FGF14: variants seen among roughly 807,000 people sequenced by gnomAD.
FGF14 encodes fibroblast growth factor homologous factor 4.
In FGF14, 5 loss-of-function variants were observed where a neutral mutation model predicts 25.5. That is an observed-to-expected ratio of 0.20 (90% CI 0.10 to 0.41). The LOEUF is 0.41. Among genes scored for constraint, FGF14 ranks in the 10% least tolerant of loss-of-function variants. The pLI, the probability that FGF14 is intolerant of heterozygous loss-of-function variation, is 1.00. For missense variants in FGF14, 222 were observed against 320.1 expected (o/e 0.69, Z 2.34); for synonymous variants, 138 against 118.3 (o/e 1.17, Z -1.08).
intron 1 of FGF14, among the ~76,000 whole-genome samples, chr13:102,227,585 T>C (rs957494682): frequency 2.6e-5 from 4 of 152,180 alleles, no homozygotes; most frequent in Non-Finnish European, 1.5e-5. Flanking sequence ...CCATGAATAT[T>C]ACTCTACATC....
intron 1 of FGF14, among the ~76,000 whole-genome samples, chr13:101,934,669 T>C (rs1406372072): frequency 3.3e-5 from 5 of 152,162 alleles, no homozygotes; most frequent in Non-Finnish European, 7.4e-5. Context: ...TTAACTGAAA[T>C]GAAGCATCAA....
intron 1 of FGF14, among the ~76,000 whole-genome samples, chr13:102,029,125 A>G (rs560449680): frequency 6.6e-6 from 1 of 152,090 alleles, no homozygotes; most frequent in Admixed American, 6.6e-5. Flanking sequence ...CCCAAAATCA[A>G]CTAACGAGCA....
chr13:102,181,899 C>G (rs899666676), intron 1 of FGF14, among the ~76,000 whole-genome samples: 1 of 152,108 alleles, frequency 6.6e-6, no homozygotes, highest in Non-Finnish European at 1.5e-5. Context: ...GAAGAAAGAA[C>G]AAGAAAAGGA....
Position 102,161,700 on chromosome 13 carries a change from GAAGAAGAAGAAGAAGAAGAAGAAGAAT to G in FGF14, c.208+239744_208+239770del, listed in dbSNP as rs1566765976. Among the ~76,000 whole-genome samples the G allele has an allele frequency of 1.7e-4, 24 of 138,850 alleles. 1 individual carries two copies. The highest frequency in any genetic ancestry group is 7.9e-4 in the South Asian group (3 of 3,800). The allele number at this position is 138,850 out of a possible 152,430, so 91.1% of individuals were successfully genotyped here. On this transcript the variant is annotated intron_variant, in intron 1 of 4. Transcript: ENST00000376131. The stretch of plus-strand genomic sequence containing the variant: ...AGAAGAAGAAGAAGAAGAAGAAGAA[GAAGAAGAAGAAGAAGAAGAAGAAGAAT>G]AGAAATGTGTTTAAGAATTCCTCAA...
chr13:102,353,594 C>A (rs1272169116), intron 1 of FGF14, among the ~76,000 whole-genome samples: 1 of 152,210 alleles, frequency 6.6e-6, no homozygotes, highest in East Asian at 1.9e-4. Flanking sequence ...CCAGTCCTCT[C>A]AAATTGAATC....
chr13:101,750,553 T>C (rs959251972), intron 3 of FGF14, among the ~76,000 whole-genome samples: 1 of 152,180 alleles, frequency 6.6e-6, no homozygotes, highest in Non-Finnish European at 1.5e-5. Context: ...AGGAAAATAA[T>C]ATTGTGAATA....
At chr13:102,285,300 T>A (rs1349400889) in intron 1 of FGF14, among the ~76,000 whole-genome samples, 1 of 152,196 alleles carries the variant, frequency 6.6e-6, no homozygotes, top group Non-Finnish European at 1.5e-5. Context: ...TTCTGGAATG[T>A]GTGATGTTAT....
intron 1 of FGF14, among the ~76,000 whole-genome samples, chr13:102,052,357 A>T (rs1227861927): frequency 6.6e-6 from 1 of 152,106 alleles, no homozygotes; most frequent in Non-Finnish European, 1.5e-5. Context: ...AACTTTCCAA[A>T]TCCAGGAAAA....
intron 3 of FGF14, among the ~76,000 whole-genome samples, chr13:101,773,642 T>C (rs528546647): frequency 6.6e-6 from 1 of 151,986 alleles, no homozygotes; most frequent in East Asian, 1.9e-4. Context: ...CATTTAGTTA[T>C]GGAATGAAGA....
intron 1 of FGF14, among the ~76,000 whole-genome samples, chr13:101,980,899 C>T (rs2038207353): frequency 6.6e-6 from 1 of 152,070 alleles, no homozygotes; most frequent in South Asian, 2.1e-4. Context: ...GAGGTAGAGT[C>T]GTTAAGAGGT....
intron 1 of FGF14, among the ~76,000 whole-genome samples, chr13:102,219,332 C>G (rs1378436783): frequency 6.6e-6 from 1 of 152,096 alleles, no homozygotes; most frequent in Non-Finnish European, 1.5e-5. Flanking sequence ...CTTGCCCTAC[C>G]TCCTGGGGCT....
chr13:101,937,420 AC>A (rs1257850201), intron 1 of FGF14, among the ~76,000 whole-genome samples: 4 of 152,178 alleles, frequency 2.6e-5, no homozygotes, highest in African/African-American at 4.8e-5. Flanking sequence ...AAATCTGGAC[AC>A]ACAGAGATCC....
chr13:102,121,813 C>A (rs1423621763), intron 1 of FGF14, among the ~76,000 whole-genome samples: 1 of 152,158 alleles, frequency 6.6e-6, no homozygotes, highest in East Asian at 1.9e-4. Context: ...TCATCAGGCT[C>A]CTAATCAAAG....
At chr13:102,075,701 T>C (rs552665527) in intron 1 of FGF14, among the ~76,000 whole-genome samples, 9 of 152,314 alleles carry the variant, frequency 5.9e-5, no homozygotes, top group Admixed American at 2.6e-4. Flanking sequence ...AGGGGAGTCC[T>C]TCAGGAGGTC....
At chr13:101,781,528 G>A (rs1228556458) in intron 3 of FGF14, among the ~76,000 whole-genome samples, 4 of 152,104 alleles carry the variant, frequency 2.6e-5, no homozygotes, top group African/African-American at 9.7e-5. Context: ...ATATAGCAGA[G>A]GGCTGACGTA....
intron 1 of FGF14, among the ~76,000 whole-genome samples, chr13:102,206,232 A>C (rs1232283201): frequency 6.6e-6 from 1 of 151,974 alleles, no homozygotes; most frequent in African/African-American, 2.4e-5. Context: ...CTCGATGCAT[A>C]GGAATACAGA....
At position 101,717,959 on chromosome 13, in the gene FGF14, A is replaced by T. The variant is rs1335686699; in HGVS notation, c.*4872T>A. ...CATAGTCTCATGTAAGAAGAGTGTC[A>T]AAAATGTCCTCGGCATTTGTTTTCT... is the stretch of plus-strand genomic sequence containing the variant. On this transcript the variant is annotated 3_prime_UTR_variant, in exon 5 of 5. Transcript: ENST00000376143. 1 of 152,156 alleles carries T rather than the reference A, an allele frequency of 6.6e-6. No homozygotes were observed. Among genetic ancestry groups the T allele is most frequent in the Non-Finnish European group, 1.5e-5 (1 of 68,018 alleles). The allele number at this position is 152,156 out of a possible 1,614,324, so 9.4% of individuals were successfully genotyped here.
chr13:101,720,554 GTGTGTGTGTGTATA>G lies in FGF14; in HGVS notation c.*2263_*2276del, dbSNP rs1247680234. On this transcript the variant is annotated 3_prime_UTR_variant, in exon 5 of 5. Coordinates refer to ENST00000376143, the MANE Select transcript of FGF14 (RefSeq NM_004115.4). ...TCTGTGTGTGTGTGTGTGTGTGTGT[GTGTGTGTGTGTATA>G]TGTGTGTGTTTGTGTGAAGTGAAGT... is the stretch of plus-strand genomic sequence containing the variant. 1.1e-4 allele frequency: 16 copies of G among 150,844 alleles called. No homozygotes were observed. The highest frequency in any genetic ancestry group is 1.5e-5 in the Non-Finnish European group (1 of 67,894). 9.3% of individuals were successfully genotyped at this position (150,844 alleles called of 1,614,324 possible).
intron 1 of FGF14, chr13:102,373,673 T>G (rs1000749295): frequency 1.3e-5 from 2 of 152,206 alleles, no homozygotes; most frequent in East Asian, 3.8e-4. Flanking sequence ...TTGATTTGTG[T>G]TATTTCACTT....
Sources: allele counts gnomAD v4.1 joint callset (sites outside exome capture counted in the v4.1 genomes callset), GRCh38; gene constraint gnomAD v4.1.1; transcripts MANE v1.5; gene names NCBI Gene and HGNC (gene_info 2026-07-23, HGNC 2026-07-21).